Variants in VPS11 observed in about 807,000 individuals in gnomAD.
VPS11 encodes vacuolar protein sorting-associated protein 11 homolog.
A neutral mutation model predicts 106.8 loss-of-function variants in VPS11; 51 were observed. The observed-to-expected ratio is 0.48, with a 90% CI of 0.38 to 0.60. The LOEUF (loss-of-function observed/expected upper bound fraction) is 0.60, where lower values mean the gene tolerates loss of function less well. Ranked by LOEUF, VPS11 falls within the 20% of genes least tolerant of loss-of-function variation. The pLI is 0.00. For synonymous variants in VPS11, 453 were observed against 458.7 expected, an observed-to-expected ratio of 0.99 and a Z score of 0.16; for missense variants, 950 against 1,190.0, an observed-to-expected ratio of 0.80 and a Z score of 2.97.
rs782766510 is a variant in VPS11, at chr11:119,081,618, A to G, written c.2821A>G (p.Thr941Ala). 6.2e-7 allele frequency: 1 copy of G among 1,613,796 alleles called. No homozygotes were observed. Among genetic ancestry groups the G allele is most frequent in the South Asian group, 1.1e-5 (1 of 91,074 alleles). ...RDLLMHSRRGT is the reference protein window; with the variant it reads ...RDLLMHSRRGA ...CCTACTCATGCACTCCAGGAGGGGC[A>G]CTTAAGCAGCCTGGAGGAAGATGTG... The change falls in exon 16 of 16, where the codon ACT becomes GCT. Residue 941 changes from threonine (T) to alanine (A), a missense_variant. Physicochemically the swap from Thr to Ala is moderately conservative, Grantham distance 58. This residue lies in a region of VPS11 where 453 missense variants were observed against 514.6 expected (regional missense o/e 0.88). Coordinates refer to ENST00000621676, the MANE Select transcript of VPS11 (RefSeq NM_021729.6).
At chr11:119,075,871 C>T in intron 7 of VPS11, among the ~76,000 whole-genome samples, 1 of 151,484 alleles carries the variant, frequency 6.6e-6, no homozygotes, top group East Asian at 1.9e-4. Context: ...CACTGCACTC[C>T]AGCCTGGGCA....
chr11:119,074,499 G>A (rs1451023967), intron 7 of VPS11, among the ~76,000 whole-genome samples: 1 of 151,736 alleles, frequency 6.6e-6, no homozygotes, highest in African/African-American at 2.4e-5. Flanking sequence ...TCTGCCTCGG[G>A]TTCAAGCAAT....
At chr11:119,074,730 T>C (rs1945536770) in intron 7 of VPS11, among the ~76,000 whole-genome samples, 1 of 152,182 alleles carries the variant, frequency 6.6e-6, no homozygotes, top group Non-Finnish European at 1.5e-5. Context: ...ATAAGAACTA[T>C]GATGCCTTAA....
In VPS11 at chr11:119,068,443, CCTTTTTT is replaced by C. The variant is rs1330066123; in HGVS notation, c.187+434_187+440del. ...CTGCTACTAAATTCTGGCCTTTTTA[CCTTTTTT>C]TTTTTTTTTTTTTTTTTGATACGGA... is the stretch of plus-strand genomic sequence containing the variant. On this transcript the variant is annotated intron_variant, in intron 1 of 15. Coordinates refer to ENST00000621676, the MANE Select transcript of VPS11 (RefSeq NM_021729.6). Among the ~76,000 whole-genome samples the C allele has an allele frequency of 7.4e-3, 264 of 35,810 alleles. 7 individuals carry two copies. The highest frequency in any genetic ancestry group is 0.012 in the Non-Finnish European group (149 of 12,242). 23.5% of individuals were successfully genotyped at this position (35,810 alleles called of 152,430 possible).
rs782539331 is a variant in VPS11 at position 119,081,641 on chromosome 11, G to C, written c.*18G>C. The C allele has an allele frequency of 6.2e-7, 1 of 1,612,686 alleles. No homozygotes were observed. Among genetic ancestry groups the C allele is most frequent in the Admixed American group, 1.7e-5 (1 of 59,866 alleles). On this transcript the variant is annotated 3_prime_UTR_variant, in exon 16 of 16. Transcript: ENST00000621676. Reference sequence around the variant, plus strand: ...GCACTTAAGCAGCCTGGAGGAAGATGTGGGCAACAGTGGAGGACCAAGAGA... The same window carrying C: ...GCACTTAAGCAGCCTGGAGGAAGATCTGGGCAACAGTGGAGGACCAAGAGA...
At position 119,081,116 on chromosome 11, in the gene VPS11, G is replaced by A; in HGVS notation, c.2463G>A (p.Lys821=). 1 of 1,614,020 alleles carries A rather than the reference G, an allele frequency of 6.2e-7. No homozygotes were observed. The highest frequency in any genetic ancestry group is 2.2e-5 in the East Asian group (1 of 44,888). The part of the protein sequence containing the change: ...KASPKIFQKT[K]CSICNSALEL... Reference sequence around the variant, plus strand: ...GTCCTAAGATTTTCCAAAAGACCAAGTGCAGCATCTGTAACAGTGCCTTGG... The same window carrying A: ...GTCCTAAGATTTTCCAAAAGACCAAATGCAGCATCTGTAACAGTGCCTTGG... The change falls in exon 15 of 16, where the codon AAG becomes AAA. Residue 821 remains lysine (K), a synonymous_variant. Coordinates refer to ENST00000621676, the MANE Select transcript of VPS11 (RefSeq NM_021729.6).
rs950499256 is a variant in VPS11, at chr11:119,076,733, A to G, written c.1239-164A>G. 5.0e-6 allele frequency: 4 copies of G among 793,300 alleles called. No individual in the cohort carries two copies. The African/African-American group carries it at 6.9e-5, about 14-fold the overall frequency. 49.1% of individuals were successfully genotyped at this position (793,300 alleles called of 1,614,324 possible). ...CCAGTGTGGTCCACAGTCTAGTAGC[A>G]CCGATATTACCTGGGACTTTGTTAG... On this transcript the variant is annotated intron_variant, in intron 7 of 15. Transcript: ENST00000621676.
intron 6 of VPS11, 72 bp downstream of exon 6, chr11:119,073,471 A>C: frequency 6.5e-7 from 1 of 1,546,050 alleles, no homozygotes; most frequent in Non-Finnish European, 8.8e-7. Flanking sequence ...TCCCCAAGTC[A>C]TATTGGCCAG....
chr11:119,077,437 C>T (rs1167439081), intron 8 of VPS11, 64 bp from the exon 9 acceptor site: 1 of 1,563,936 alleles, frequency 6.4e-7, no homozygotes, highest in Non-Finnish European at 8.7e-7. Context: ...AGTCAGGTGC[C>T]TGTTTCCTCT....
At chr11:119,070,947 G>A (rs981135762) in intron 4 of VPS11, among the ~76,000 whole-genome samples, 1 of 67,828 alleles carries the variant, frequency 1.5e-5, no homozygotes, top group African/African-American at 6.6e-5. Flanking sequence ...TTTTTTCTTT[G>A]AGACAGGATC....
chr11:119,078,839 G>A lies in VPS11; in HGVS notation c.2108G>A (p.Arg703Gln), dbSNP rs202163179. The A allele has an allele frequency of 4.3e-6, 7 of 1,613,856 alleles. No individual in the cohort carries two copies. The highest frequency in any genetic ancestry group is 2.2e-5 in the East Asian group (1 of 44,888). ...MHYHMQHEQY[R>Q]QVISVCERHG... ...TACCACATGCAGCACGAGCAGTACC[G>A]GCAGGTCATCAGCGTGTGTGAGCGC... Residue 703 changes from arginine (R) to glutamine (Q), a missense_variant, in exon 13 of 16, where the codon CGG (arginine) becomes CAG (glutamine). Around this residue, in one of 3 missense-constraint regions of VPS11, gnomAD observed 453 missense variants for 514.6 expected, o/e 0.88. Transcript: ENST00000621676.
chr11:119,080,985 C>A, intron 14 of VPS11, 107 bp from the exon 15 acceptor site: 1 of 993,780 alleles, frequency 1.0e-6, no homozygotes. Flanking sequence ...CTTCAGGGGC[C>A]TTACCAGGGA....
chr11:119,071,388 T>C (rs1050468248), intron 4 of VPS11, among the ~76,000 whole-genome samples: 3 of 152,104 alleles, frequency 2.0e-5, no homozygotes, highest in African/African-American at 7.2e-5. Flanking sequence ...TACTAGATAG[T>C]GATAATATAT....
At position 119,078,624 on chromosome 11, in the gene VPS11, C is replaced by T. The variant is rs371611537; in HGVS notation, c.1983C>T (p.Asp661=). The T allele has an allele frequency of 1.0e-4, 165 of 1,613,882 alleles. No individual in the cohort carries two copies. Among genetic ancestry groups the T allele is most frequent in the African/African-American group, 9.9e-4 (74 of 75,060 alleles). ...ISLLKSGRFC[D]VFDKALVLCQ... ...TGCTGAAGAGTGGTCGCTTCTGCGA[C>T]GTCTTTGACAAGGCCCTGGTCCTGT... The change falls in exon 12 of 16, where the codon GAC becomes GAT. Residue 661 remains aspartate, a synonymous_variant. Transcript: ENST00000621676.
Position 119,078,164 on chromosome 11 carries a change from C to G in VPS11, c.1762-9C>G, listed in dbSNP as rs782759975. The G allele has an allele frequency of 1.2e-6, 2 of 1,612,328 alleles. No individual in the cohort carries two copies. Among genetic ancestry groups the G allele is most frequent in the Admixed American group, 3.3e-5 (2 of 60,008 alleles). On this transcript the variant is annotated splice_polypyrimidine_tract_variant and intron_variant, in intron 10 of 15. Coordinates refer to ENST00000621676, the MANE Select transcript of VPS11 (RefSeq NM_021729.6). ...ATTCAGCCTCCTTTTTCCTCTCTTG[C>G]CATCCTAGGCCAACTCTGAGGAGTT...
intron 14 of VPS11, among the ~76,000 whole-genome samples, chr11:119,080,308 T>A (rs1945802570): frequency 6.6e-6 from 1 of 152,178 alleles, no homozygotes; most frequent in African/African-American, 2.4e-5. Flanking sequence ...TCTGCCTGCC[T>A]TGGCCTCCCA....
chr11:119,081,123 A>G lies in VPS11; in HGVS notation c.2470A>G (p.Ile824Val). 11 of 1,614,036 alleles carry G rather than the reference A, an allele frequency of 6.8e-6. No homozygotes were observed. The highest frequency in any genetic ancestry group is 1.6e-4 in the Middle Eastern group (1 of 6,062). ...PKIFQKTKCS[I>V]CNSALELPSV... is the part of the protein sequence containing the mutation. ...GATTTTCCAAAAGACCAAGTGCAGC[A>G]TCTGTAACAGTGCCTTGGAGTTGCC... is the stretch of plus-strand genomic sequence containing the variant. Residue 824 changes from isoleucine (I) to valine (V), a missense_variant, in exon 15 of 16, where the codon ATC becomes GTC. Coordinates refer to ENST00000621676, the MANE Select transcript of VPS11 (RefSeq NM_021729.6).
Position 119,069,666 on chromosome 11 carries a change from G to A in VPS11, c.472+89G>A, listed in dbSNP as rs1441955551. On this transcript the variant is annotated intron_variant, in intron 3 of 15. Transcript: ENST00000621676. ...CCTCTCATCTTTACTGTTTTCAGGA[G>A]ACCACTTTGTACTGAACTGAGGCCT... The A allele has an allele frequency of 1.6e-5, 26 of 1,576,410 alleles. No individual in the cohort carries two copies. The East Asian group carries it at 3.6e-4, about 22-fold the overall frequency.
rs373007192 is a variant in VPS11 at position 119,073,369 on chromosome 11, G to A, written c.1056G>A (p.Leu352=). The change falls in exon 6 of 16, where the codon CTG becomes CTA. Residue 352 remains leucine, a synonymous_variant. Transcript: ENST00000621676. ...VLTRDGRVHA[L]QEKDTQTKLE... ...CGCGGGATGGGCGGGTCCACGCACTGCAGGAGAAGGACACACAGACCAAAC... is the reference window on the plus strand; with the variant it reads ...CGCGGGATGGGCGGGTCCACGCACTACAGGAGAAGGACACACAGACCAAAC... 8.7e-6 allele frequency: 14 copies of A among 1,613,288 alleles called. No individual in the cohort carries two copies. The highest frequency in any genetic ancestry group is 1.8e-4 in the Middle Eastern group (1 of 5,592).
Sources: gnomAD v4.1 joint callset for allele counts (sites outside exome capture counted in the v4.1 genomes callset) on GRCh38, gnomAD v4.1.1 for gene constraint, gnomAD v4.1.1 regional missense constraint, MANE v1.5 for transcripts, NCBI Gene and HGNC (gene_info 2026-07-23, HGNC 2026-07-21) for gene names.